Variants in MALRD1 observed in about 807,000 individuals in gnomAD.
The protein encoded by MALRD1 is MAM and LDL-receptor class A domain-containing protein 1.
Under a neutral mutation model 242.1 loss-of-function variants are expected in MALRD1, and 247 were observed. That is an observed-to-expected ratio of 1.02 (90% CI 0.92 to 1.13). The LOEUF is 1.13. Among genes scored for constraint, MALRD1 ranks in the 50% most tolerant of loss-of-function variants. MALRD1 has a pLI of 0.00. For missense variants in MALRD1, 2,989 were observed against 2,533.1 expected (o/e 1.18, Z -3.86); for synonymous variants, 995 against 866.6 (o/e 1.15, Z -2.60).
At chr10:19,119,530 C>T (rs968753669) in intron 5 of MALRD1, among the ~76,000 whole-genome samples, 2 of 152,126 alleles carry the variant, frequency 1.3e-5, no homozygotes, top group African/African-American at 4.8e-5. Flanking sequence ...TCGGAGCTGT[C>T]TTCTTGTGCT....
At chr10:19,453,839 T>C (rs552996070) in intron 29 of MALRD1, among the ~76,000 whole-genome samples, 1 of 151,268 alleles carries the variant, frequency 6.6e-6, no homozygotes, top group Non-Finnish European at 1.5e-5. Context: ...ATCGCACCAC[T>C]GCGTTCCAGC....
chr10:19,598,633 G>A (rs1399770120), intron 34 of MALRD1, among the ~76,000 whole-genome samples: 1 of 152,034 alleles, frequency 6.6e-6, no homozygotes. Flanking sequence ...TGAGACCCAT[G>A]CACATGAAAA....
rs78991042 is a variant in MALRD1 at position 19,692,274 on chromosome 10, C to A, written c.6138-8C>A. ...TTTTCCAACTATTTTATTTTATCTC[C>A]TTTCCAGATGTAGACAAGGCTGGAA... On this transcript the variant is annotated splice_region_variant and splice_polypyrimidine_tract_variant and intron_variant, in intron 36 of 39. Coordinates refer to ENST00000454679, the MANE Select transcript of MALRD1 (RefSeq NM_001142308.3). 0.01 allele frequency: 15,753 copies of A among 1,529,864 alleles called. 632 individuals are homozygous for A. The East Asian group carries it at 0.11, about 11-fold the overall frequency. 94.8% of individuals were successfully genotyped at this position (1,529,864 alleles called of 1,614,324 possible).
chr10:19,058,288 C>A (rs1834725972), intron 1 of MALRD1, among the ~76,000 whole-genome samples: 1 of 152,116 alleles, frequency 6.6e-6, no homozygotes, highest in African/African-American at 2.4e-5. Context: ...TTATTACATA[C>A]AACAAATGAA....
At chr10:19,270,440 C>G (rs1387332189) in intron 19 of MALRD1, among the ~76,000 whole-genome samples, 1 of 150,848 alleles carries the variant, frequency 6.6e-6, no homozygotes, top group Admixed American at 6.6e-5. Context: ...ACTATTTATT[C>G]CTAGAAATGT....
intron 21 of MALRD1, among the ~76,000 whole-genome samples, chr10:19,288,013 A>G (rs16918467): frequency 0.042 from 6,365 of 152,158 alleles, 212 homozygotes; most frequent in African/African-American, 0.095. Context: ...GCAACATGAC[A>G]TGCAAAGTAA....
At chr10:19,271,303 T>C (rs973295380) in intron 19 of MALRD1, among the ~76,000 whole-genome samples, 1 of 152,198 alleles carries the variant, frequency 6.6e-6, no homozygotes, top group Non-Finnish European at 1.5e-5. Flanking sequence ...ATTAAAGTAC[T>C]ATCTTGAGGA....
intron 28 of MALRD1, among the ~76,000 whole-genome samples, chr10:19,442,545 T>C (rs912034142): frequency 3.2e-4 from 48 of 152,312 alleles, no homozygotes; most frequent in Middle Eastern, 3.4e-3. Context: ...TTGAATTTTG[T>C]CAAAGGCCTT....
At chr10:19,591,497 G>GTT (rs35785107) in intron 33 of MALRD1, among the ~76,000 whole-genome samples, 22 of 116,292 alleles carry the variant, frequency 1.9e-4, no homozygotes, top group Admixed American at 3.6e-4. Context: ...TTTTATTTTA[G>GTT]TTTTTTTTTT....
At chr10:19,162,149 G>A (rs532653987) in intron 12 of MALRD1, among the ~76,000 whole-genome samples, 1 of 152,070 alleles carries the variant, frequency 6.6e-6, no homozygotes, top group Non-Finnish European at 1.5e-5. Flanking sequence ...CTATTTTCAC[G>A]ATTTTGTAGT....
Position 19,084,517 on chromosome 10 carries a change from A to T in MALRD1, c.341-3323A>T, listed in dbSNP as rs577377159. Among the ~76,000 whole-genome samples, 11 of 152,026 alleles carry T rather than the reference A, an allele frequency of 7.2e-5. No homozygotes were observed. The East Asian group carries it at 2.1e-3, about 30-fold the overall frequency. ...AATTGGTTACTCTGTAGCATGCAAC[A>T]GGATTTATGTTTCTCCTGCTCACAT... On this transcript the variant is annotated intron_variant, in intron 2 of 39. Coordinates refer to ENST00000454679, the MANE Select transcript of MALRD1 (RefSeq NM_001142308.3).
chr10:19,581,415 T>G (rs1837117962), intron 33 of MALRD1, among the ~76,000 whole-genome samples: 1 of 142,542 alleles, frequency 7.0e-6, no homozygotes, highest in Non-Finnish European at 1.5e-5. Flanking sequence ...TTCCCCTTCC[T>G]GTGTCCATGT....
rs1348787430 is a variant in MALRD1, at chr10:19,355,859, T to TATATATATATATATATATATATATACAC, written c.4441+3568_4441+3569insATATATATATATATATATACACATATAT. Among the ~76,000 whole-genome samples the TATATATATATATATATATATATATACAC allele has an allele frequency of 1.6e-4, 3 of 18,262 alleles. 1 individual carries two copies. Among genetic ancestry groups the TATATATATATATATATATATATATACAC allele is most frequent in the Non-Finnish European group, 2.6e-4 (3 of 11,548 alleles). The allele number at this position is 18,262 out of a possible 152,430, so 12.0% of individuals were successfully genotyped here. A position where few individuals can be genotyped will look rare whatever the true frequency, so the allele number is the denominator to read the frequency against. On this transcript the variant is annotated intron_variant, in intron 26 of 39. Transcript: ENST00000454679. ...GAACATATATTATATATATATATAT[T>TATATATATATATATATATATATATACAC]ATATATGATATATATTAGCTAAGCA...
intron 26 of MALRD1, 110 bp from the exon 27 acceptor site, chr10:19,387,418 A>C: frequency 7.5e-7 from 1 of 1,331,116 alleles, no homozygotes; most frequent in Non-Finnish European, 1.0e-6. Context: ...AATTCCTAAG[A>C]ACAATATGTT....
intron 36 of MALRD1, among the ~76,000 whole-genome samples, chr10:19,657,866 G>T (rs1211194717): frequency 6.6e-6 from 1 of 152,070 alleles, no homozygotes; most frequent in East Asian, 1.9e-4. Context: ...GACTAATTTT[G>T]GCCAGGTACA....
Position 19,384,285 on chromosome 10 carries a change from A to T in MALRD1, c.4442-3243A>T, listed in dbSNP as rs533389863. On this transcript the variant is annotated intron_variant, in intron 26 of 39. Transcript: ENST00000454679. ...AAAACATAATACATATCTTATATAT[A>T]ATATATGTATTATATATGTATTATA... 5.0e-3 allele frequency among the ~76,000 whole-genome samples: 676 copies of T among 136,294 alleles called. 1 individual carries two copies. The highest frequency in any genetic ancestry group is 0.018 in the African/African-American group (654 of 36,744). 89.4% of individuals were successfully genotyped at this position (136,294 alleles called of 152,430 possible). A position where few individuals can be genotyped will look rare whatever the true frequency, so the allele number is the denominator to read the frequency against.
At chr10:19,549,674 G>T (rs1275699206) in intron 32 of MALRD1, among the ~76,000 whole-genome samples, 1 of 152,198 alleles carries the variant, frequency 6.6e-6, no homozygotes, top group Admixed American at 6.5e-5. Flanking sequence ...GAAACCGAAA[G>T]ATTTTTATGA....
chr10:19,523,375 G>A (rs1159841339), intron 31 of MALRD1, among the ~76,000 whole-genome samples: 2 of 152,080 alleles, frequency 1.3e-5, no homozygotes, highest in Non-Finnish European at 2.9e-5. Context: ...ACTCCTCCAG[G>A]TAAAATAGAT....
At chr10:19,280,274 C>T (rs1318824404) in intron 20 of MALRD1, 51 bp downstream of exon 20, 10 of 1,346,982 alleles carry the variant, frequency 7.4e-6, no homozygotes, top group Non-Finnish European at 9.8e-6. Context: ...ATAGAAAATG[C>T]AAGTGTAATC....
Sources: gnomAD v4.1 joint callset for allele counts (sites outside exome capture counted in the v4.1 genomes callset) on GRCh38, gnomAD v4.1.1 for gene constraint, MANE v1.5 for transcripts, NCBI Gene and HGNC (gene_info 2026-07-23, HGNC 2026-07-21) for gene names.